MAGI2: variants seen among roughly 807,000 people sequenced by gnomAD.
The protein encoded by MAGI2 is membrane associated guanylate kinase, WW and PDZ domain containing 2.
Under a neutral mutation model 133.3 loss-of-function variants are expected in MAGI2, and 35 were observed. The observed-to-expected ratio is 0.26, with a 90% confidence interval of 0.20 to 0.35. MAGI2 has a LOEUF of 0.35. MAGI2 is among the 10% of genes least tolerant of loss of function. MAGI2 has a pLI of 1.00. For missense variants in MAGI2, 1,636 were observed against 1,863.4 expected (o/e 0.88, Z 2.25); for synonymous variants, 729 against 710.6 (o/e 1.03, Z -0.41).
At chr7:79,360,521 C>A (rs1842314017) in intron 1 of MAGI2, among the ~76,000 whole-genome samples, 1 of 152,008 alleles carries the variant, frequency 6.6e-6, no homozygotes, top group Non-Finnish European at 1.5e-5. Context: ...TACTTGATCA[C>A]TGAAACAAAA....
intron 2 of MAGI2, among the ~76,000 whole-genome samples, chr7:78,766,517 G>T (rs1825040730): frequency 6.6e-6 from 1 of 152,128 alleles, no homozygotes; most frequent in Admixed American, 6.6e-5. Flanking sequence ...AGTTAAGCTT[G>T]TGTCTTCTCC....
At chr7:79,150,473 A>C (rs888602208) in intron 1 of MAGI2, among the ~76,000 whole-genome samples, 3 of 152,236 alleles carry the variant, frequency 2.0e-5, no homozygotes, top group Non-Finnish European at 4.4e-5. Flanking sequence ...CCCTAAAATA[A>C]ATCTGAAGTT....
chr7:78,666,221 T>C (rs931708891), intron 2 of MAGI2, among the ~76,000 whole-genome samples: 6 of 152,128 alleles, frequency 3.9e-5, no homozygotes, highest in Admixed American at 1.3e-4. Context: ...ATTATAGCCA[T>C]GGACAACCTG....
At chr7:79,215,172 G>A (rs1270703318) in intron 1 of MAGI2, among the ~76,000 whole-genome samples, 1 of 151,042 alleles carries the variant, frequency 6.6e-6, no homozygotes, top group South Asian at 2.1e-4. Context: ...ACTGACCAGC[G>A]TTAACATTAA....
chr7:78,468,550 T>G (rs1033664908), intron 6 of MAGI2, among the ~76,000 whole-genome samples: 2 of 152,194 alleles, frequency 1.3e-5, no homozygotes, highest in African/African-American at 4.8e-5. Context: ...AATGTCTGTT[T>G]CAAGCCACTG....
chr7:78,623,718 A>G (rs1807999165), intron 3 of MAGI2, among the ~76,000 whole-genome samples: 1 of 152,164 alleles, frequency 6.6e-6, no homozygotes, highest in Non-Finnish European at 1.5e-5. Context: ...AATACTTTTA[A>G]CAACTTCAAA....
In MAGI2 at chr7:78,909,771, A is replaced by G. The variant is rs1798269393; in HGVS notation, c.418+97319T>C. Among the ~76,000 whole-genome samples the G allele has an allele frequency of 4.6e-5, 7 of 152,320 alleles. No homozygotes were observed. In the South Asian group the frequency reaches 1.4e-3, roughly 32 times the overall value. ...AACCAGAAACACTATTTGACCGAGT[A>G]ATCCCATTACTGGATGTATACCCAA... On this transcript the variant is annotated intron_variant, in intron 2 of 21. Transcript: ENST00000354212.
intron 6 of MAGI2, among the ~76,000 whole-genome samples, chr7:78,431,361 G>A (rs1163071064): frequency 6.6e-6 from 1 of 152,154 alleles, no homozygotes; most frequent in African/African-American, 2.4e-5. Context: ...TATTTAGGGA[G>A]AGGAAGCAAA....
intron 1 of MAGI2, among the ~76,000 whole-genome samples, chr7:79,166,778 T>A (rs1423709224): frequency 1.3e-5 from 2 of 152,094 alleles, no homozygotes; most frequent in African/African-American, 4.8e-5. Flanking sequence ...AAGACTAATT[T>A]TTTTTTCATA....
At chr7:78,181,279 A>C (rs1827165368) in intron 13 of MAGI2, among the ~76,000 whole-genome samples, 1 of 152,192 alleles carries the variant, frequency 6.6e-6, no homozygotes, top group African/African-American at 2.4e-5. Context: ...TCTTGTTTCA[A>C]GAAACTATGC....
chr7:78,947,819 T>G (rs189368592), intron 2 of MAGI2, among the ~76,000 whole-genome samples: 1 of 152,230 alleles, frequency 6.6e-6, no homozygotes, highest in Admixed American at 6.5e-5. Context: ...ATTTGTTTGT[T>G]TGTTAGGTCA....
At chr7:79,302,540 T>C (rs985296562) in intron 1 of MAGI2, among the ~76,000 whole-genome samples, 1 of 151,316 alleles carries the variant, frequency 6.6e-6, no homozygotes, top group African/African-American at 2.4e-5. Flanking sequence ...ATATTTAAAG[T>C]TGATGGATAC....
intron 2 of MAGI2, among the ~76,000 whole-genome samples, chr7:78,653,787 A>G: frequency 6.6e-6 from 1 of 152,016 alleles, no homozygotes; most frequent in East Asian, 1.9e-4. Flanking sequence ...AAAAAAAAAA[A>G]AAAAACAAGG....
At chr7:78,898,481 T>A (rs563556010) in intron 2 of MAGI2, among the ~76,000 whole-genome samples, 1 of 152,266 alleles carries the variant, frequency 6.6e-6, no homozygotes, top group South Asian at 2.1e-4. Context: ...CCATAAAAAA[T>A]GATGAGATCA....
chr7:78,048,001 T>C (rs566463177), intron 21 of MAGI2, among the ~76,000 whole-genome samples: 1 of 152,354 alleles, frequency 6.6e-6, no homozygotes, highest in South Asian at 2.1e-4. Flanking sequence ...GGCTGAAGTT[T>C]ACTTGCTGAT....
At chr7:78,912,251 T>C (rs543440296) in intron 2 of MAGI2, among the ~76,000 whole-genome samples, 6 of 152,242 alleles carry the variant, frequency 3.9e-5, no homozygotes, top group Admixed American at 2.6e-4. Flanking sequence ...AAATGTAGGA[T>C]TACTATATTC....
intron 2 of MAGI2, among the ~76,000 whole-genome samples, chr7:78,707,543 T>C (rs189175632): frequency 6.6e-6 from 1 of 152,246 alleles, no homozygotes; most frequent in African/African-American, 2.4e-5. Flanking sequence ...ATAAACATTA[T>C]TATTTCTCTA....
chr7:78,212,649 A>C (rs1490543648), intron 10 of MAGI2, among the ~76,000 whole-genome samples: 3 of 152,214 alleles, frequency 2.0e-5, no homozygotes, highest in Admixed American at 6.5e-5. Context: ...TAAGTTTGTA[A>C]GGAATGTATT....
At chr7:79,144,906 C>A (rs1351698489) in intron 1 of MAGI2, among the ~76,000 whole-genome samples, 2 of 152,126 alleles carry the variant, frequency 1.3e-5, no homozygotes, top group East Asian at 3.8e-4. Flanking sequence ...TTACGGGTGA[C>A]AATTTATCTT....
Sources: gnomAD v4.1 joint callset for allele counts (sites outside exome capture counted in the v4.1 genomes callset) on GRCh38, gnomAD v4.1.1 for gene constraint, MANE v1.5 for transcripts, NCBI Gene and HGNC (gene_info 2026-07-23, HGNC 2026-07-21) for gene names.